The following FPGT variants were observed in gnomAD, a reference collection of about 807,000 sequenced individuals.
FPGT encodes the protein fucose-1-phosphate guanylyltransferase, also known as GDP-L-fucose diphosphorylase.
FPGT carries 41 observed loss-of-function variants against 45.8 expected under a neutral mutation model. The ratio of observed to expected loss-of-function variants is 0.90; its 90% CI spans 0.70 to 1.16. The LOEUF is 1.16. Among genes scored for constraint, FPGT ranks in the 50% most tolerant of loss-of-function variants. FPGT has a pLI of 0.00. For synonymous variants in FPGT, 292 were observed against 247.2 expected (o/e 1.18, Z -1.70); for missense variants, 755 against 689.1 (o/e 1.10, Z -1.07).
In FPGT at chr1:74,205,156, C is replaced by T. The variant is rs1203872495; in HGVS notation, c.1109C>T (p.Thr370Ile). ...ACCGAAGAATATTTGTTTTACTTTA[C>T]CTCAGATAACAGTTTAAAGTCAGAG... ...GTTEEYLFYFTSDNSLKSELG... is the reference protein window; with the variant it reads ...GTTEEYLFYFISDNSLKSELG... The change falls in exon 4 of 4, where the codon ACC (threonine) becomes ATC (isoleucine). Residue 370 changes from threonine to isoleucine, a missense_variant. Thr to Ile is a moderately conservative substitution (Grantham distance 89). Coordinates refer to ENST00000370898, the MANE Select transcript of FPGT (RefSeq NM_003838.5). 4.3e-6 allele frequency: 7 copies of T among 1,612,984 alleles called. No homozygotes were observed. In the Admixed American group the frequency reaches 5.0e-5, roughly 12 times the overall value.
chr1:74,199,532 A>G, intron 1 of FPGT, 132 bp from the exon 2 acceptor site: 1 of 1,017,688 alleles, frequency 9.8e-7, no homozygotes, highest in Non-Finnish European at 1.4e-6. Context: ...CCTAACTTTC[A>G]AAAGCCAAAG....
Position 74,205,626 on chromosome 1 carries a change from AT to A in FPGT, c.1583del (p.Phe528SerfsTer7). The A allele has an allele frequency of 6.2e-7, 1 of 1,612,404 alleles. No individual in the cohort carries two copies. Among genetic ancestry groups the A allele is most frequent in the Non-Finnish European group, 8.5e-7 (1 of 1,178,472 alleles). On this transcript the variant is annotated frameshift_variant, in exon 4 of 4. Coordinates refer to ENST00000370898, the MANE Select transcript of FPGT (RefSeq NM_003838.5). LOFTEE classifies it high-confidence loss of function. Reference protein sequence around the residue: ...KTCLSLWTARIFPVCSSLSDS... With the variant: ...KTCLSLWTARXFPVCSSLSDS... ...ATGTCTGAGTTTGTGGACTGCACGC[AT>A]TTTCCCAGTTTGTTCTTCTTTGAGT... is the stretch of plus-strand genomic sequence containing the variant.
chr1:74,201,493 C>T, intron 3 of FPGT, 83 bp downstream of exon 3: 1 of 795,484 alleles, frequency 1.3e-6, no homozygotes, highest in Non-Finnish European at 1.9e-6. Context: ...TTCTTGCAAA[C>T]ACTTTCCTTC....
At chr1:74,200,384 CT>C (rs1218232371) in intron 2 of FPGT, among the ~76,000 whole-genome samples, 7 of 152,108 alleles carry the variant, frequency 4.6e-5, no homozygotes, top group African/African-American at 1.7e-4. Context: ...TTGAAGCCCC[CT>C]GATACCAGAG....
At chr1:74,201,547 T>C (rs1651801353) in intron 3 of FPGT, 137 bp downstream of exon 3, 1 of 601,850 alleles carries the variant, frequency 1.7e-6, no homozygotes, top group Non-Finnish European at 2.7e-6. Context: ...TGAAAACAAA[T>C]ATTTTATGAT....
At chr1:74,201,531 C>T (rs565585068) in intron 3 of FPGT, 121 bp downstream of exon 3, 2 of 642,422 alleles carry the variant, frequency 3.1e-6, no homozygotes, top group Non-Finnish European at 4.9e-6. Flanking sequence ...TGAAGTTATT[C>T]TGCTTTGAAA....
In FPGT at chr1:74,208,146, T is replaced by C. The variant is rs574739433; in HGVS notation, c.*2314T>C. Among the ~76,000 whole-genome samples the C allele has an allele frequency of 6.6e-6, 1 of 152,110 alleles. No homozygotes were observed. The highest frequency in any genetic ancestry group is 2.1e-4 in the South Asian group (1 of 4,824). On this transcript the variant is annotated 3_prime_UTR_variant, in exon 4 of 4. Transcript: ENST00000370898. ...TATCATTTGTAAGGCACATTCTGTTTTCTGGGGTGTCGAAATGTGGATAAA... is the reference window on the plus strand; with the variant it reads ...TATCATTTGTAAGGCACATTCTGTTCTCTGGGGTGTCGAAATGTGGATAAA...
In FPGT at chr1:74,207,500, T is replaced by A. The variant is rs1199330861; in HGVS notation, c.*1668T>A. Among the ~76,000 whole-genome samples the A allele has an allele frequency of 6.6e-6, 1 of 151,974 alleles. No individual in the cohort carries two copies. Among genetic ancestry groups the A allele is most frequent in the Non-Finnish European group, 1.5e-5 (1 of 67,938 alleles). The stretch of plus-strand genomic sequence containing the variant: ...TGCTCTACCACACTTATGTCTGGAT[T>A]TTTTTTACCCAGCTACAGACCCACA... On this transcript the variant is annotated 3_prime_UTR_variant, in exon 4 of 4. Transcript: ENST00000370898.
intron 2 of FPGT, among the ~76,000 whole-genome samples, chr1:74,200,427 A>G (rs978101375): frequency 1.3e-5 from 2 of 152,130 alleles, no homozygotes; most frequent in South Asian, 2.1e-4. Flanking sequence ...TTAATATGAC[A>G]TTAGCATTAT....
chr1:74,201,259 G>T, intron 2 of FPGT, 59 bp from the exon 3 acceptor site: 2 of 1,426,126 alleles, frequency 1.4e-6, no homozygotes, highest in South Asian at 1.2e-5. Flanking sequence ...TTACTGTCAT[G>T]ACAAAGTTTT....
chr1:74,204,876 G>C lies in FPGT; in HGVS notation c.829G>C (p.Asp277His), dbSNP rs1187180626. The C allele has an allele frequency of 1.2e-6, 2 of 1,613,514 alleles. No individual in the cohort carries two copies. Among genetic ancestry groups the C allele is most frequent in the African/African-American group, 2.7e-5 (2 of 74,892 alleles). Residue 277 changes from aspartate to histidine, a missense_variant, in exon 4 of 4, where the codon GAT becomes CAT. Asp to His is a moderately conservative substitution (Grantham distance 81). Coordinates refer to ENST00000370898, the MANE Select transcript of FPGT (RefSeq NM_003838.5). Reference protein sequence around the residue: ...YVYTDSLFYMDHKSAKMLLAF... With the variant: ...YVYTDSLFYMHHKSAKMLLAF... ...CTACACAGATAGCCTATTTTATATGGATCATAAATCAGCAAAAATGTTACT... is the reference window on the plus strand; with the variant it reads ...CTACACAGATAGCCTATTTTATATGCATCATAAATCAGCAAAAATGTTACT...
At position 74,205,847 on chromosome 1, in the gene FPGT, TTG is replaced by T. The variant is rs1223537398; in HGVS notation, c.*17_*18del. 1.4e-6 allele frequency: 2 copies of T among 1,412,188 alleles called. No individual in the cohort carries two copies. The highest frequency in any genetic ancestry group is 1.9e-6 in the Non-Finnish European group (2 of 1,026,490). The allele number at this position is 1,412,188 out of a possible 1,614,324, so 87.5% of individuals were successfully genotyped here. A position where few individuals can be genotyped will look rare whatever the true frequency, so the allele number is the denominator to read the frequency against. On this transcript the variant is annotated 3_prime_UTR_variant, in exon 4 of 4. Transcript: ENST00000370898. Reference sequence around the variant, plus strand: ...GTTTGATGTAGAGATATTTTAAATATTGTACACTTTGCCTTTTTGAGTAACAT... The same window carrying T: ...GTTTGATGTAGAGATATTTTAAATATTACACTTTGCCTTTTTGAGTAACAT...
At position 74,205,956 on chromosome 1, in the gene FPGT, T is replaced by C; in HGVS notation, c.*124T>C. The C allele has an allele frequency of 6.8e-6, 4 of 586,348 alleles. No homozygotes were observed. Among genetic ancestry groups the C allele is most frequent in the Non-Finnish European group, 1.2e-5 (4 of 336,244 alleles). The allele number at this position is 586,348 out of a possible 1,614,324, so 36.3% of individuals were successfully genotyped here. A position where few individuals can be genotyped will look rare whatever the true frequency, so the allele number is the denominator to read the frequency against. Reference sequence around the variant, plus strand: ...TATTAACATAATTGTTGTAGCATAATATTAATAGTGCAAAAGTACATATAA... The same window carrying C: ...TATTAACATAATTGTTGTAGCATAACATTAATAGTGCAAAAGTACATATAA... On this transcript the variant is annotated 3_prime_UTR_variant, in exon 4 of 4. Transcript: ENST00000370898.
intron 3 of FPGT, 151 bp downstream of exon 3, chr1:74,201,561 C>A: frequency 1.7e-6 from 1 of 592,856 alleles, no homozygotes; most frequent in Non-Finnish European, 2.7e-6. Context: ...TTATGATTTT[C>A]ATGACTTTTT....
At chr1:74,199,876 A>G in intron 2 of FPGT, 45 bp downstream of exon 2, 2 of 1,576,244 alleles carry the variant, frequency 1.3e-6, no homozygotes, top group Admixed American at 1.9e-5. Context: ...CCTAAGCAGA[A>G]TAATCATTGA....
rs1019278008 is a variant in FPGT at position 74,207,676 on chromosome 1, T to C, written c.*1844T>C. Among the ~76,000 whole-genome samples, 13 of 40,718 alleles carry C rather than the reference T, an allele frequency of 3.2e-4. No individual in the cohort carries two copies. The highest frequency in any genetic ancestry group is 5.3e-4 in the African/African-American group (12 of 22,642). The allele number at this position is 40,718 out of a possible 152,430, so 26.7% of individuals were successfully genotyped here. On this transcript the variant is annotated 3_prime_UTR_variant, in exon 4 of 4. Coordinates refer to ENST00000370898, the MANE Select transcript of FPGT (RefSeq NM_003838.5). The stretch of plus-strand genomic sequence containing the variant: ...AATTGACGTCATATTAACATGTCAA[T>C]ATGAAAATTAATTGTTTGGTAAACC...
Position 74,205,565 on chromosome 1 carries a change from TAA to T in FPGT, c.1520_1521del (p.Lys507SerfsTer9). The T allele has an allele frequency of 6.2e-7, 1 of 1,613,746 alleles. No homozygotes were observed. Among genetic ancestry groups the T allele is most frequent in the Non-Finnish European group, 8.5e-7 (1 of 1,179,642 alleles). ...FLSCLDVWNL[K>X]VTEELFSGNK... ...TGTCATGCTTAGATGTTTGGAATCT[TAA>T]AGTTACAGAGGAACTGTTCTCTGGT... On this transcript the variant is annotated frameshift_variant, in exon 4 of 4. Coordinates refer to ENST00000370898, the MANE Select transcript of FPGT (RefSeq NM_003838.5). LOFTEE classifies it high-confidence loss of function.
rs1244851571 is a variant in FPGT at position 74,199,703 on chromosome 1, C to T, written c.122C>T (p.Ala41Val). 5.0e-6 allele frequency: 8 copies of T among 1,613,948 alleles called. No homozygotes were observed. Among genetic ancestry groups the T allele is most frequent in the Admixed American group, 1.7e-5 (1 of 60,004 alleles). Residue 41 changes from alanine to valine, a missense_variant, in exon 2 of 4, where the codon GCA becomes GTA. Physicochemically the swap from Ala to Val is moderately conservative, Grantham distance 64. Coordinates refer to ENST00000370898, the MANE Select transcript of FPGT (RefSeq NM_003838.5). The stretch of plus-strand genomic sequence containing the variant: ...CGTGGAGAATTCTGGGACATAGTTG[C>T]AATAACAGCGGCTGATGAAAAACAG... ...VARGEFWDIVAITAADEKQEL... is the reference protein window; with the variant it reads ...VARGEFWDIVVITAADEKQEL...
chr1:74,198,524 T>C, intron 1 of FPGT, 164 bp downstream of exon 1: 1 of 915,468 alleles, frequency 1.1e-6, no homozygotes. Flanking sequence ...TTTTTATTCT[T>C]TTCACTGTCC....
Sources: gnomAD v4.1 joint callset for allele counts (sites outside exome capture counted in the v4.1 genomes callset) on GRCh38, gnomAD v4.1.1 for gene constraint, MANE v1.5 for transcripts, NCBI Gene and HGNC (gene_info 2026-07-23, HGNC 2026-07-21) for gene names.